C2: variants seen among roughly 807,000 people sequenced by gnomAD.
C2 encodes the protein C3/C5 convertase.
C2 carries 64 observed loss-of-function variants against 85.2 expected under a neutral mutation model. The observed-to-expected ratio is 0.75, with a 90% CI of 0.61 to 0.92. The LOEUF is 0.92. Among genes scored for constraint, C2 ranks in the 40% least tolerant of loss-of-function variants. The pLI is 0.00. For synonymous variants in C2, 311 were observed against 370.8 expected, an observed-to-expected ratio of 0.84 and a Z score of 1.85; for missense variants, 820 against 971.6, an observed-to-expected ratio of 0.84 and a Z score of 2.07.
chr6:31,910,158 C>T (rs577897906), intron 1 of C2, among the ~76,000 whole-genome samples: 6 of 151,702 alleles, frequency 4.0e-5, no homozygotes, highest in African/African-American at 1.2e-4. Context: ...GGATTACAGA[C>T]GTGAGCCACC....
rs759839046 is a variant in C2, at chr6:31,944,257, C to G, written c.1902+31C>G. On this transcript the variant is annotated intron_variant, in intron 15 of 17. Transcript: ENST00000299367. This position sits in a 1 kb window ranked among gnomAD's most constrained non-coding sequence, Gnocchi z 5.1. ...GGTCTCAGGTTGGGGATGCTGGGAT[C>G]CCCCTGTGACAGCTCCCAGAATGTC... The G allele has an allele frequency of 7.1e-7, 1 of 1,407,054 alleles. No homozygotes were observed. Among genetic ancestry groups the G allele is most frequent in the African/African-American group, 1.4e-5 (1 of 70,992 alleles). The allele number at this position is 1,407,054 out of a possible 1,614,324, so 87.2% of individuals were successfully genotyped here. A position where few individuals can be genotyped will look rare whatever the true frequency, so the allele number is the denominator to read the frequency against.
Position 31,922,557 on chromosome 6 carries a change from G to A in C2, c.-100+2531G>A, listed in dbSNP as rs1219844667. Among the ~76,000 whole-genome samples, 2 of 152,108 alleles carry A rather than the reference G, an allele frequency of 1.3e-5. No homozygotes were observed. The highest frequency in any genetic ancestry group is 4.8e-5 in the African/African-American group (2 of 41,426). ...ATTTCTGATTTTTAAACTCTGATTA[G>A]GGGGCCTGGCACAGTGGCTCACACC... On this transcript the variant is annotated intron_variant, in intron 1 of 3. Coordinates refer to the C2 transcript ENST00000413154. This position sits in a 1 kb window ranked among gnomAD's most constrained non-coding sequence, Gnocchi z 4.8.
chr6:31,943,044 T>C lies in C2; in HGVS notation c.1305T>C (p.His435=), dbSNP rs1329140867. The C allele has an allele frequency of 1.9e-6, 3 of 1,613,076 alleles. No individual in the cohort carries two copies. Among genetic ancestry groups the C allele is most frequent in the South Asian group, 2.2e-5 (2 of 91,076 alleles). The part of the protein sequence containing the change: ...ELGSKKDGER[H]AFILQDTKAL... ...GGTCCAAGAAGGATGGTGAGAGGCA[T>C]GCCTTCATTCTGCAGGACACAAAGG... Residue 435 remains histidine, a synonymous_variant, in exon 10 of 18, where the codon CAT becomes CAC. Coordinates refer to ENST00000299367, the MANE Select transcript of C2 (RefSeq NM_000063.6). The surrounding 1 kb of genome is among the most constrained non-coding windows in gnomAD (Gnocchi z 6.4).
At position 31,911,523 on chromosome 6, in the gene C2, A is replaced by G. The variant is rs2151711701; in HGVS notation, c.73+10384A>G. Reference sequence around the variant, plus strand: ...TTTTAATGTGAGCAAAAGGGTTTGAAGATTACATGCTTCTTGAAATCAGCA... The same window carrying G: ...TTTTAATGTGAGCAAAAGGGTTTGAGGATTACATGCTTCTTGAAATCAGCA... On this transcript the variant is annotated intron_variant, in intron 1 of 3. Transcript: ENST00000452202. Among the ~76,000 whole-genome samples the G allele has an allele frequency of 2.6e-5, 4 of 152,278 alleles. No homozygotes were observed. The South Asian group carries it at 8.3e-4, about 32-fold the overall frequency.
rs1441108793 is a variant in C2, at chr6:31,935,942, A to G, written c.869A>G (p.Asn290Ser). ...MVDRIFSFEI[N>S]VSVAIITFAS... ...GCACAGATCTTCAGCTTTGAGATCAATGTGAGCGTTGCCATTATCACCTTT... is the reference window on the plus strand; with the variant it reads ...GCACAGATCTTCAGCTTTGAGATCAGTGTGAGCGTTGCCATTATCACCTTT... Residue 290 changes from asparagine (N) to serine (S), a missense_variant, in exon 7 of 18, where the codon AAT becomes AGT. By Grantham distance (46) the Asn-to-Ser change is conservative. Transcript: ENST00000299367. The surrounding 1 kb of genome is among the most constrained non-coding windows in gnomAD (Gnocchi z 4.3). 2 of 1,612,974 alleles carry G rather than the reference A, an allele frequency of 1.2e-6. No homozygotes were observed. The highest frequency in any genetic ancestry group is 1.7e-5 in the Admixed American group (1 of 60,004).
At chr6:31,902,419 T>G (rs1202044146) in intron 1 of C2, among the ~76,000 whole-genome samples, 2 of 151,730 alleles carry the variant, frequency 1.3e-5, no homozygotes, top group African/African-American at 2.4e-5. Flanking sequence ...CGCGCACCCG[T>G]TCTCTCGGCT....
chr6:31,912,561 C>T (rs928679678), intron 1 of C2, among the ~76,000 whole-genome samples: 1 of 152,094 alleles, frequency 6.6e-6, no homozygotes, highest in Non-Finnish European at 1.5e-5. Flanking sequence ...GTTACCAGGC[C>T]GGGCACGGTG....
intron 9 of C2, among the ~76,000 whole-genome samples, chr6:31,940,750 GA>G (rs1770813610): frequency 6.6e-6 from 1 of 152,158 alleles, no homozygotes; most frequent in Non-Finnish European, 1.5e-5. Context: ...ACATTTTATT[GA>G]AAATAAGCAG....
At chr6:31,914,272 T>A (rs1262078261) in intron 1 of C2, among the ~76,000 whole-genome samples, 1 of 151,748 alleles carries the variant, frequency 6.6e-6, no homozygotes, top group East Asian at 2.0e-4. Context: ...AGAGAAGGAA[T>A]TCTGCCTCAA....
In C2 at chr6:31,945,267, G is replaced by A. The variant is rs768592636; in HGVS notation, c.2169G>A (p.Pro723=). 8.7e-6 allele frequency: 14 copies of A among 1,612,860 alleles called. No individual in the cohort carries two copies. The South Asian group carries it at 8.8e-5, about 10-fold the overall frequency. The part of the protein sequence containing the change: ...SRKRAPRSKV[P]PPRDFHINLF... ...AAAGGGCCCCTCGTAGCAAGGTCCC[G>A]CCGCCACGAGACTTTCACATCAATC... is the stretch of plus-strand genomic sequence containing the variant. Residue 723 remains proline (P), a synonymous_variant, in exon 18 of 18, where the codon CCG becomes CCA. Transcript: ENST00000299367. The surrounding 1 kb of genome is among the most constrained non-coding windows in gnomAD (Gnocchi z 5.3).
At chr6:31,937,886 T>C (rs1258571561) in intron 8 of C2, among the ~76,000 whole-genome samples, 1 of 151,906 alleles carries the variant, frequency 6.6e-6, no homozygotes, top group Non-Finnish European at 1.5e-5. Flanking sequence ...GCGCCTGTAA[T>C]CCCAGCTACT....
chr6:31,909,504 T>C (rs867908500), intron 1 of C2, among the ~76,000 whole-genome samples: 1 of 151,942 alleles, frequency 6.6e-6, no homozygotes, highest in Admixed American at 6.6e-5. Flanking sequence ...TTGCTCAGGC[T>C]GGTCTGGAAC....
chr6:31,929,152 ACT>A (rs1769519848), intron 3 of C2, among the ~76,000 whole-genome samples: 3 of 152,026 alleles, frequency 2.0e-5, no homozygotes, highest in African/African-American at 7.2e-5. Flanking sequence ...GCCTCCACAC[ACT>A]CTGCCTGGCT....
chr6:31,927,406 C>A, upstream of C2: 4 of 1,030,534 alleles, frequency 3.9e-6, no homozygotes, highest in South Asian at 1.9e-5. This position sits in a 1 kb window ranked among gnomAD's most constrained non-coding sequence, Gnocchi z 4.7. Flanking sequence ...CACACACGAG[C>A]CCAAATATGT....
chr6:31,899,910 C>T, upstream of C2: 1 of 1,559,278 alleles, frequency 6.4e-7, no homozygotes, highest in Non-Finnish European at 8.7e-7. Flanking sequence ...GCCTCCTGGC[C>T]TCCACGCCTG....
At chr6:31,928,980 A>G in intron 3 of C2, 63 bp downstream of exon 3, 1 of 1,453,336 alleles carries the variant, frequency 6.9e-7, no homozygotes, top group Non-Finnish European at 9.4e-7. Context: ...CCTGGGGCCC[A>G]ATGTGCATCC....
chr6:31,900,555 C>T (rs747666831), upstream of C2: 2 of 1,611,946 alleles, frequency 1.2e-6, no homozygotes, highest in Non-Finnish European at 1.7e-6. This position sits in a 1 kb window ranked among gnomAD's most constrained non-coding sequence, Gnocchi z 9.7. Flanking sequence ...CTGGGGGGAA[C>T]GCTGCTCTGG....
At position 31,939,273 on chromosome 6, in the gene C2, A is replaced by G. The variant is rs1356954683; in HGVS notation, c.1172A>G (p.His391Arg). ...MGGSPKTAVDHIREILNINQK... is the reference protein window; with the variant it reads ...MGGSPKTAVDRIREILNINQK... ...GGCTCTCCCAAGACAGCTGTTGACCATATCAGAGAGATCCTGAACATCAAC... is the reference window on the plus strand; with the variant it reads ...GGCTCTCCCAAGACAGCTGTTGACCGTATCAGAGAGATCCTGAACATCAAC... Residue 391 changes from histidine (H) to arginine (R), a missense_variant, in exon 9 of 18, where the codon CAT becomes CGT. Transcript: ENST00000299367. 2.5e-6 allele frequency: 4 copies of G among 1,612,600 alleles called. No individual in the cohort carries two copies. Among genetic ancestry groups the G allele is most frequent in the Non-Finnish European group, 1.7e-6 (2 of 1,179,922 alleles).
At chr6:31,931,719 C>G (rs184783079) in intron 3 of C2, among the ~76,000 whole-genome samples, 9 of 152,332 alleles carry the variant, frequency 5.9e-5, no homozygotes, top group Admixed American at 3.9e-4. Flanking sequence ...CACCTTTCCC[C>G]CCTTTCTATT....
Sources: gnomAD v4.1 joint callset for allele counts (sites outside exome capture counted in the v4.1 genomes callset) on GRCh38, gnomAD v4.1.1 for gene constraint, Gnocchi (gnomAD v3.1) non-coding constraint, MANE v1.5 for transcripts, NCBI Gene and HGNC (gene_info 2026-07-23, HGNC 2026-07-21) for gene names.